The following ATXN1 variants were observed in gnomAD, a reference collection of about 807,000 sequenced individuals.
ATXN1 encodes the protein ataxin 1.
A neutral mutation model predicts 56.4 loss-of-function variants in ATXN1; 8 were observed. The ratio of observed to expected loss-of-function variants is 0.14; its 90% confidence interval spans 0.08 to 0.26. The LOEUF (loss-of-function observed/expected upper bound fraction) is 0.26, where lower values mean the gene tolerates loss of function less well. Ranked by LOEUF, ATXN1 falls within the 10% of genes least tolerant of loss-of-function variation. The pLI, the probability that ATXN1 is intolerant of heterozygous loss-of-function variation, is 1.00. For synonymous variants in ATXN1, 514 were observed against 494.6 expected, an observed-to-expected ratio of 1.04 and a Z score of -0.52; for missense variants, 987 against 1,106.5, an observed-to-expected ratio of 0.89 and a Z score of 1.53.
intron 4 of ATXN1, among the ~76,000 whole-genome samples, chr6:16,529,287 G>A (rs1259755920): frequency 6.8e-6 from 1 of 148,070 alleles, no homozygotes; most frequent in East Asian, 2.0e-4. Context: ...GGAAAGTTGT[G>A]TATTAGTGCC....
At chr6:16,348,107 G>A (rs576745642) in intron 6 of ATXN1, among the ~76,000 whole-genome samples, 2 of 152,242 alleles carry the variant, frequency 1.3e-5, no homozygotes, top group South Asian at 2.1e-4. Context: ...GACCAAGAAC[G>A]CACCTAATTC....
At chr6:16,343,231 G>A (rs1273060336) in intron 6 of ATXN1, among the ~76,000 whole-genome samples, 1 of 152,126 alleles carries the variant, frequency 6.6e-6, no homozygotes, top group Non-Finnish European at 1.5e-5. Flanking sequence ...TGTAGTCCCA[G>A]CTACTCGAGA....
At chr6:16,484,953 G>GTA (rs1561720429) in intron 6 of ATXN1, among the ~76,000 whole-genome samples, 2 of 101,642 alleles carry the variant, frequency 2.0e-5, no homozygotes, top group Non-Finnish European at 4.4e-5. Context: ...ATATATGTGT[G>GTA]TGTGTGTGTG....
intron 4 of ATXN1, among the ~76,000 whole-genome samples, chr6:16,526,714 G>A (rs985917065): frequency 2.7e-5 from 4 of 146,556 alleles, no homozygotes; most frequent in East Asian, 2.0e-4. Context: ...GCAGTGAGTC[G>A]AGAATGCACC....
At chr6:16,739,612 C>T (rs1388227789) in intron 2 of ATXN1, 9 of 311,728 alleles carry the variant, frequency 2.9e-5, no homozygotes, top group Non-Finnish European at 6.0e-5. Flanking sequence ...AGCTGCAAGC[C>T]AATCAGGCAG....
intron 4 of ATXN1, among the ~76,000 whole-genome samples, chr6:16,584,960 T>C (rs1007608021): frequency 1.3e-5 from 2 of 152,022 alleles, no homozygotes; most frequent in South Asian, 4.1e-4. Flanking sequence ...TGTCTGGGTG[T>C]GGTGGATCAC....
intron 6 of ATXN1, among the ~76,000 whole-genome samples, chr6:16,334,142 A>C (rs553246435): frequency 8.5e-5 from 13 of 152,320 alleles, no homozygotes; most frequent in African/African-American, 3.1e-4. Context: ...TGTTTTGGTT[A>C]TCATATTTCG....
chr6:16,316,246 CA>C (rs1351247945), intron 7 of ATXN1, among the ~76,000 whole-genome samples: 2 of 152,314 alleles, frequency 1.3e-5, no homozygotes, highest in South Asian at 2.1e-4. Flanking sequence ...AGTTTCATCC[CA>C]AAACCATCCC....
At chr6:16,642,532 G>A (rs965168939) in intron 3 of ATXN1, among the ~76,000 whole-genome samples, 3 of 152,244 alleles carry the variant, frequency 2.0e-5, no homozygotes, top group African/African-American at 4.8e-5. Flanking sequence ...TGCAGTGACA[G>A]GTTTGAGAGG....
At chr6:16,637,744 A>C (rs571394460) in intron 3 of ATXN1, among the ~76,000 whole-genome samples, 1 of 152,160 alleles carries the variant, frequency 6.6e-6, no homozygotes, top group Admixed American at 6.5e-5. Flanking sequence ...CACCTAAAAA[A>C]CTCTGATATA....
At chr6:16,416,378 T>C (rs975780352) in intron 6 of ATXN1, among the ~76,000 whole-genome samples, 1 of 152,224 alleles carries the variant, frequency 6.6e-6, no homozygotes, top group African/African-American at 2.4e-5. Context: ...GCATCACACA[T>C]CTACTTTCCT....
chr6:16,303,852 A>AAAAG lies in ATXN1; in HGVS notation c.*2473_*2476dup, dbSNP rs1442742789. ...TCTTACCATCAAAGGCTAAAAAACA[A>AAAAG]AAAGAAAAACAAAACCTAATAATTG... On this transcript the variant is annotated 3_prime_UTR_variant, in exon 8 of 8. Transcript: ENST00000436367. This position sits in a 1 kb window ranked among gnomAD's most constrained non-coding sequence, Gnocchi z 4.3. 5 of 152,676 alleles carry AAAAG rather than the reference A, an allele frequency of 3.3e-5. No individual in the cohort carries two copies. Among genetic ancestry groups the AAAAG allele is most frequent in the African/African-American group, 1.2e-4 (5 of 41,460 alleles). 9.5% of individuals were successfully genotyped at this position (152,676 alleles called of 1,614,324 possible).
chr6:16,675,532 C>T (rs572512115), intron 2 of ATXN1, among the ~76,000 whole-genome samples: 23 of 152,060 alleles, frequency 1.5e-4, no homozygotes, highest in African/African-American at 4.8e-4. Context: ...CACATGAAGG[C>T]GAAAGGAGCA....
At chr6:16,545,281 T>C (rs1010646991) in intron 4 of ATXN1, among the ~76,000 whole-genome samples, 4 of 152,186 alleles carry the variant, frequency 2.6e-5, no homozygotes, top group African/African-American at 9.7e-5. Context: ...GAATTCTCCT[T>C]AAATGACCTT....
intron 3 of ATXN1, among the ~76,000 whole-genome samples, chr6:16,603,184 G>A (rs894290055): frequency 1.3e-5 from 2 of 152,180 alleles, no homozygotes; most frequent in Admixed American, 6.5e-5. Flanking sequence ...GAGAGCTTGA[G>A]GTCTTGGGCC....
intron 2 of ATXN1, among the ~76,000 whole-genome samples, chr6:16,723,211 T>A (rs12203162): frequency 0.19 from 29,401 of 151,010 alleles, 3,405 homozygotes; most frequent in South Asian, 0.26. Flanking sequence ...GTGGGAGAGA[T>A]CATTCCTTCC....
chr6:16,376,021 G>A (rs1210526897), intron 6 of ATXN1, among the ~76,000 whole-genome samples: 1 of 152,342 alleles, frequency 6.6e-6, no homozygotes, highest in South Asian at 2.1e-4. Context: ...AGCTGCCTGC[G>A]GGATGGCACA....
intron 1 of ATXN1, chr6:16,754,121 C>T (rs1034562420): frequency 4.6e-5 from 7 of 152,142 alleles, no homozygotes; most frequent in Admixed American, 4.6e-4. Context: ...AAGTTGAGGA[C>T]TCGATCTGCT....
chr6:16,655,463 G>A (rs563616896), intron 3 of ATXN1, among the ~76,000 whole-genome samples: 18 of 152,210 alleles, frequency 1.2e-4, no homozygotes, highest in Admixed American at 8.5e-4. Flanking sequence ...CCCTGATGGC[G>A]TGATGACAAA....
Sources: gnomAD v4.1 joint callset for allele counts (sites outside exome capture counted in the v4.1 genomes callset) on GRCh38, gnomAD v4.1.1 for gene constraint, Gnocchi (gnomAD v3.1) non-coding constraint, MANE v1.5 for transcripts, NCBI Gene and HGNC (gene_info 2026-07-23, HGNC 2026-07-21) for gene names.